Variants in PDE1C observed in about 807,000 individuals in gnomAD.
PDE1C encodes dual specificity calcium/calmodulin-dependent 3',5'-cyclic nucleotide phosphodiesterase 1C.
PDE1C carries 62 observed loss-of-function variants against 93.1 expected under a neutral mutation model. The observed-to-expected ratio is 0.67, with a 90% CI of 0.54 to 0.82. PDE1C has a LOEUF of 0.82. Among genes scored for constraint, PDE1C ranks in the 40% least tolerant of loss-of-function variants. PDE1C has a pLI of 0.00. For synonymous variants in PDE1C, 325 were observed against 310.1 expected (o/e 1.05, Z -0.50); for missense variants, 742 against 884.6 (o/e 0.84, Z 2.04).
intron 2 of PDE1C, among the ~76,000 whole-genome samples, chr7:32,194,043 T>C (rs938434026): frequency 6.6e-6 from 1 of 151,532 alleles, no homozygotes; most frequent in Non-Finnish European, 1.5e-5. Context: ...GCCTCCTGAG[T>C]AGCTGGGACT....
the PDE1C span, among the ~76,000 whole-genome samples, chr7:31,628,208 C>T: frequency 6.6e-6 from 1 of 152,198 alleles, no homozygotes; most frequent in Non-Finnish European, 1.5e-5. Flanking sequence ...GTTCTTTCTT[C>T]TGCCCTTCAA....
intron 1 of PDE1C, among the ~76,000 whole-genome samples, chr7:32,362,077 C>A (rs1191256938): frequency 6.6e-6 from 1 of 152,090 alleles, no homozygotes; most frequent in South Asian, 2.1e-4. Flanking sequence ...GTGGCAGGAG[C>A]ACAGAGGAGG....
chr7:31,740,345 A>ATGT, the PDE1C span, among the ~76,000 whole-genome samples: 5 of 152,214 alleles, frequency 3.3e-5, no homozygotes, highest in African/African-American at 1.2e-4. Context: ...TAACATACAT[A>ATGT]TGTTATGTAT....
At chr7:32,427,104 A>G (rs1785548736) in intron 1 of PDE1C, among the ~76,000 whole-genome samples, 1 of 152,232 alleles carries the variant, frequency 6.6e-6, no homozygotes, top group African/African-American at 2.4e-5. Flanking sequence ...TTTTAAAGTG[A>G]GTGAAGTTTC....
intron 17 of PDE1C, among the ~76,000 whole-genome samples, chr7:31,770,124 A>G (rs1795389692): frequency 6.6e-6 from 1 of 152,210 alleles, no homozygotes; most frequent in African/African-American, 2.4e-5. Context: ...GAAGTGGTAT[A>G]TCACTGTGGT....
chr7:32,061,943 C>A (rs1794859313), intron 1 of PDE1C, among the ~76,000 whole-genome samples: 1 of 152,148 alleles, frequency 6.6e-6, no homozygotes, highest in African/African-American at 2.4e-5. Context: ...AATTTGGCAT[C>A]ATTCAGATAT....
chr7:31,990,809 C>T (rs1784062551), intron 2 of PDE1C, among the ~76,000 whole-genome samples: 1 of 152,104 alleles, frequency 6.6e-6, no homozygotes. Context: ...TCACATAGAG[C>T]AGCAAGATAC....
chr7:31,857,226 T>C (rs1794135377), intron 7 of PDE1C, among the ~76,000 whole-genome samples: 1 of 152,198 alleles, frequency 6.6e-6, no homozygotes, highest in African/African-American at 2.4e-5. Flanking sequence ...ATTAGAGATT[T>C]ATCTTCCTTA....
At chr7:31,751,152 G>A (rs957606601), downstream of PDE1C, 2 of 152,166 alleles carry the variant, frequency 1.3e-5, no homozygotes, top group African/African-American at 4.8e-5. Context: ...GAATTTCAGA[G>A]AAGAAAATGG....
chr7:32,028,341 A>G (rs1313160623), intron 2 of PDE1C, among the ~76,000 whole-genome samples: 2 of 152,036 alleles, frequency 1.3e-5, no homozygotes, highest in African/African-American at 4.8e-5. Context: ...ATTCATTCAA[A>G]CACACAAAGT....
intron 1 of PDE1C, among the ~76,000 whole-genome samples, chr7:32,418,508 C>T (rs1357254951): frequency 6.6e-6 from 1 of 152,060 alleles, no homozygotes. Context: ...GTTTTATTTG[C>T]ACTTTTTCAA....
chr7:32,413,549 G>T (rs1446269528), intron 1 of PDE1C, among the ~76,000 whole-genome samples: 1 of 152,092 alleles, frequency 6.6e-6, no homozygotes, highest in Non-Finnish European at 1.5e-5. Context: ...AAGTAGAATG[G>T]TGGTTGCCAG....
chr7:32,122,767 G>T (rs551649388), intron 3 of PDE1C, among the ~76,000 whole-genome samples: 1 of 152,248 alleles, frequency 6.6e-6, no homozygotes, highest in Non-Finnish European at 1.5e-5. Flanking sequence ...AAGCTACAAA[G>T]ATCTCAAATT....
intron 1 of PDE1C, among the ~76,000 whole-genome samples, chr7:32,326,790 C>T (rs926068193): frequency 1.3e-5 from 2 of 152,046 alleles, no homozygotes; most frequent in African/African-American, 2.4e-5. Context: ...AGATAAAAGG[C>T]GTCAAGAGAA....
chr7:31,877,921 C>T lies in PDE1C; in HGVS notation c.492+49G>A, dbSNP rs559839695. 5.7e-5 allele frequency: 71 copies of T among 1,251,538 alleles called. No individual in the cohort carries two copies. The South Asian group carries it at 8.4e-4, about 15-fold the overall frequency. The allele number at this position is 1,251,538 out of a possible 1,614,324, so 77.5% of individuals were successfully genotyped here. A position where few individuals can be genotyped will look rare whatever the true frequency, so the allele number is the denominator to read the frequency against. On this transcript the variant is annotated intron_variant, in intron 5 of 17. Coordinates refer to ENST00000396191, the MANE Select transcript of PDE1C (RefSeq NM_001191057.4). Reference sequence around the variant, plus strand: ...TTATTTTCTAACAAATTTAACTCTACTTTTTATTAGGTACCATGTACATTG... The same window carrying T: ...TTATTTTCTAACAAATTTAACTCTATTTTTTATTAGGTACCATGTACATTG...
At chr7:32,248,172 G>A (rs74955556) in intron 1 of PDE1C, among the ~76,000 whole-genome samples, 4,483 of 152,158 alleles carry the variant, frequency 0.029, 136 homozygotes, top group African/African-American at 0.071. Context: ...GTCCCTGTGG[G>A]GCATCTAAGT....
At chr7:32,226,564 G>A (rs1807286890) in intron 1 of PDE1C, among the ~76,000 whole-genome samples, 1 of 152,168 alleles carries the variant, frequency 6.6e-6, no homozygotes, top group Non-Finnish European at 1.5e-5. Flanking sequence ...GGTCAGAGGG[G>A]GGCCCCTGAT....
chr7:31,771,613 C>G (rs1019095990), intron 17 of PDE1C, among the ~76,000 whole-genome samples: 3 of 150,294 alleles, frequency 2.0e-5, no homozygotes, highest in African/African-American at 4.9e-5. Flanking sequence ...TTCTTTATAT[C>G]TTTCATATGT....
At chr7:32,209,352 T>C (rs1364697571) in intron 2 of PDE1C, 3 of 738,894 alleles carry the variant, frequency 4.1e-6, no homozygotes, top group Non-Finnish European at 6.6e-6. Flanking sequence ...AAGTGGGATG[T>C]TAACCAGATG....
Sources: gnomAD v4.1 joint callset for allele counts (sites outside exome capture counted in the v4.1 genomes callset) on GRCh38, gnomAD v4.1.1 for gene constraint, MANE v1.5 for transcripts, NCBI Gene and HGNC (gene_info 2026-07-23, HGNC 2026-07-21) for gene names.